Variants in PCDHGA6 observed in about 807,000 individuals in gnomAD.
PCDHGA6 encodes the protein protocadherin gamma subfamily A, 6.
Under a neutral mutation model 60.6 loss-of-function variants are expected in PCDHGA6, and 41 were observed. That is an observed-to-expected ratio of 0.68 (90% CI 0.53 to 0.88). The LOEUF (loss-of-function observed/expected upper bound fraction) is 0.88, where lower values mean the gene tolerates loss of function less well. PCDHGA6 is among the 40% of genes least tolerant of loss of function. PCDHGA6 has a pLI of 0.00. For synonymous variants in PCDHGA6, 594 were observed against 524.4 expected, an observed-to-expected ratio of 1.13 and a Z score of -1.81; for missense variants, 1,312 against 1,203.0, an observed-to-expected ratio of 1.09 and a Z score of -1.34.
intron 1 of PCDHGA6, chr5:141,428,120 C>T (rs756805763): frequency 3.7e-6 from 6 of 1,606,528 alleles, no homozygotes; most frequent in East Asian, 4.5e-5. Flanking sequence ...CCATCGAGCC[C>T]GGGCTTTTCA....
intron 1 of PCDHGA6, chr5:141,422,289 T>A: frequency 1.3e-6 from 2 of 1,553,678 alleles, no homozygotes; most frequent in Non-Finnish European, 1.7e-6. Context: ...CCTCTTCTAT[T>A]AATTCAATTC....
intron 1 of PCDHGA6, among the ~76,000 whole-genome samples, chr5:141,469,187 G>T (rs147209381): frequency 5.9e-5 from 9 of 151,588 alleles, no homozygotes; most frequent in African/African-American, 1.9e-4. Context: ...GAGGCAAGAG[G>T]ATTGCTTGAG....
chr5:141,400,462 G>T lies in PCDHGA6; in HGVS notation c.2424+23955G>T, dbSNP rs141917215. 2.3e-4 allele frequency: 379 copies of T among 1,614,062 alleles called. 2 individuals carry two copies. The African/African-American group carries it at 4.7e-3, about 20-fold the overall frequency. The stretch of plus-strand genomic sequence containing the variant: ...TTCAGGACAAGACATACTTTGTGGT[G>T]ATTCATCTGGGGCCTTATTTCCACT... On this transcript the variant is annotated intron_variant, in intron 1 of 3. Transcript: ENST00000517434.
chr5:141,463,480 G>A (rs964539275), intron 1 of PCDHGA6, among the ~76,000 whole-genome samples: 3 of 114,320 alleles, frequency 2.6e-5, no homozygotes, highest in African/African-American at 1.1e-4. Context: ...ATGGAGTCTC[G>A]CTCTGTCACC....
intron 2 of PCDHGA6, among the ~76,000 whole-genome samples, chr5:141,497,290 C>A (rs182104163): frequency 4.7e-4 from 72 of 152,184 alleles, no homozygotes; most frequent in Middle Eastern, 3.4e-3. Flanking sequence ...CTCTACCTAC[C>A]ACCACCCCAG....
chr5:141,430,643 T>G (rs1432236231), intron 1 of PCDHGA6: 16 of 946,950 alleles, frequency 1.7e-5, no homozygotes, highest in South Asian at 2.5e-5. Flanking sequence ...CCTGGGAGTA[T>G]GTGGAAACAA....
chr5:141,428,773 T>C (rs1036838681), intron 1 of PCDHGA6: 1 of 154,174 alleles, frequency 6.5e-6, no homozygotes, highest in Admixed American at 6.4e-5. Context: ...CCACTCTTAA[T>C]ATTTCCTGTT....
chr5:141,458,104 A>G (rs969775517), intron 1 of PCDHGA6, among the ~76,000 whole-genome samples: 6 of 152,232 alleles, frequency 3.9e-5, no homozygotes, highest in Non-Finnish European at 8.8e-5. Flanking sequence ...ACTTACAGAT[A>G]GTCTCCAAAT....
At position 141,486,548 on chromosome 5, in the gene PCDHGA6, T is replaced by C; in HGVS notation, c.2425-8259T>C. 1 of 1,614,100 alleles carries C rather than the reference T, an allele frequency of 6.2e-7. No individual in the cohort carries two copies. ...TAATCCACCCTCTTTCTTTCAGAGG[T>C]CACATGAGGTGTTTGTTCCTGAGAA... is the stretch of plus-strand genomic sequence containing the variant. On this transcript the variant is annotated intron_variant, in intron 1 of 3. Coordinates refer to ENST00000517434, the MANE Select transcript of PCDHGA6 (RefSeq NM_018919.3). The surrounding 1 kb of genome is among the most constrained non-coding windows in gnomAD (Gnocchi z 5.0).
In PCDHGA6 at chr5:141,489,071, CA is replaced by C; in HGVS notation, c.2425-5735del. 3.1e-6 allele frequency: 1 copy of C among 326,700 alleles called. No homozygotes were observed. Among genetic ancestry groups the C allele is most frequent in the East Asian group, 5.9e-5 (1 of 17,012 alleles). 20.2% of individuals were successfully genotyped at this position (326,700 alleles called of 1,614,324 possible). A position where few individuals can be genotyped will look rare whatever the true frequency, so the allele number is the denominator to read the frequency against. On this transcript the variant is annotated intron_variant, in intron 1 of 3. Transcript: ENST00000517434. This position sits in a 1 kb window ranked among gnomAD's most constrained non-coding sequence, Gnocchi z 4.5. Reference sequence around the variant, plus strand: ...AAATTCAGCTCCCCTCCCCCCTGCCCACCCCCGCCACTCGGTGACTAAGAAC... The same window carrying C: ...AAATTCAGCTCCCCTCCCCCCTGCCCCCCCCGCCACTCGGTGACTAAGAAC...
chr5:141,375,486 G>C lies in PCDHGA6; in HGVS notation c.1403G>C (p.Gly468Ala), dbSNP rs1193457334. Residue 468 changes from glycine to alanine, a missense_variant, in exon 1 of 4, where the codon GGT becomes GCT. Coordinates refer to ENST00000517434, the MANE Select transcript of PCDHGA6 (RefSeq NM_018919.3). ...SVYVLENNPR[G>A]ASIFSVNALD... ...TATGTCCTTGAAAACAACCCCAGGG[G>C]TGCCTCCATCTTCTCTGTGAATGCA... 1 of 1,613,796 alleles carries C rather than the reference G, an allele frequency of 6.2e-7. No individual in the cohort carries two copies. The highest frequency in any genetic ancestry group is 8.5e-7 in the Non-Finnish European group (1 of 1,179,988).
In PCDHGA6 at chr5:141,393,593, G is replaced by A. The variant is rs2092803808; in HGVS notation, c.2424+17086G>A. ...TTGAGAACATGCCCCCAGGCACGCG[G>A]CTGCTTACTGTAACAGCCAGCGACC... On this transcript the variant is annotated intron_variant, in intron 1 of 3. Transcript: ENST00000517434. The A allele has an allele frequency of 5.0e-6, 8 of 1,613,906 alleles. No individual in the cohort carries two copies. The East Asian group carries it at 1.8e-4, about 36-fold the overall frequency.
intron 1 of PCDHGA6, chr5:141,423,758 G>GA: frequency 1.1e-5 from 4 of 366,840 alleles, no homozygotes; most frequent in South Asian, 8.5e-5. Flanking sequence ...TTTGGGGGGG[G>GA]GGTGGGGCGG....
In PCDHGA6 at chr5:141,404,317, C is replaced by T. The variant is rs375857083; in HGVS notation, c.2424+27810C>T. On this transcript the variant is annotated intron_variant, in intron 1 of 3. Transcript: ENST00000517434. ...ATAATCCACCTGCTTTCTCTCAAGC[C>T]TCCTACTCAGTCTACCTCCCGGAAA... 6.2e-6 allele frequency: 10 copies of T among 1,613,780 alleles called. No homozygotes were observed. In the African/African-American group the frequency reaches 1.2e-4, roughly 19 times the overall value.
chr5:141,417,644 AG>A, intron 1 of PCDHGA6: 1 of 779,202 alleles, frequency 1.3e-6, no homozygotes, highest in South Asian at 2.1e-5. Flanking sequence ...GGGATCCCTC[AG>A]CCTCTAGCCT....
intron 1 of PCDHGA6, among the ~76,000 whole-genome samples, chr5:141,470,451 T>C (rs2099230860): frequency 6.6e-6 from 1 of 152,210 alleles, no homozygotes; most frequent in Non-Finnish European, 1.5e-5. Context: ...AATAGCATCT[T>C]GAATAGGATT....
intron 1 of PCDHGA6, chr5:141,399,115 G>C: frequency 6.2e-7 from 1 of 1,613,814 alleles, no homozygotes; most frequent in Non-Finnish European, 8.5e-7. Context: ...ATGTACAGTT[G>C]AAATTAATAT....
At chr5:141,448,216 G>A (rs766377717) in intron 1 of PCDHGA6, among the ~76,000 whole-genome samples, 41 of 152,046 alleles carry the variant, frequency 2.7e-4, no homozygotes, top group African/African-American at 1.7e-4. Context: ...GTGTGTATGC[G>A]AATGTATGTG....
Position 141,384,136 on chromosome 5 carries a change from G to A in PCDHGA6, c.2424+7629G>A. ...GGTCACAACCAAAAACTTGGACCGG[G>A]AAACACTCTCTTTGTATAACATCAC... is the stretch of plus-strand genomic sequence containing the variant. On this transcript the variant is annotated intron_variant, in intron 1 of 3. Coordinates refer to ENST00000517434, the MANE Select transcript of PCDHGA6 (RefSeq NM_018919.3). The A allele has an allele frequency of 1.9e-6, 3 of 1,612,410 alleles. No individual in the cohort carries two copies. In the South Asian group the frequency reaches 3.3e-5, roughly 18 times the overall value.
Sources: gnomAD v4.1 joint callset for allele counts (sites outside exome capture counted in the v4.1 genomes callset) on GRCh38, gnomAD v4.1.1 for gene constraint, Gnocchi (gnomAD v3.1) non-coding constraint, MANE v1.5 for transcripts, NCBI Gene and HGNC (gene_info 2026-07-23, HGNC 2026-07-21) for gene names.